Variants in WFDC3 observed in about 807,000 individuals in gnomAD.
WFDC3 encodes the protein WAP four-disulfide core domain 3.
Under a neutral mutation model 25.8 loss-of-function variants are expected in WFDC3, and 15 were observed. The observed-to-expected ratio is 0.58, with a 90% CI of 0.39 to 0.89. The LOEUF is 0.89. Among genes scored for constraint, WFDC3 ranks in the 40% least tolerant of loss-of-function variants. WFDC3 has a pLI of 0.00. For missense variants in WFDC3, 264 were observed against 289.8 expected (o/e 0.91, Z 0.65); for synonymous variants, 103 against 107.1 (o/e 0.96, Z 0.24).
rs959236165 is a variant in WFDC3, at chr20:45,777,274, C to T, written c.359-65G>A. 2.5e-5 allele frequency: 35 copies of T among 1,374,180 alleles called. No homozygotes were observed. In the Admixed American group the frequency reaches 1.1e-3, roughly 43 times the overall value. 85.1% of individuals were successfully genotyped at this position (1,374,180 alleles called of 1,614,324 possible). On this transcript the variant is annotated intron_variant, in intron 4 of 6. Coordinates refer to ENST00000243938, the MANE Select transcript of WFDC3 (RefSeq NM_080614.2). ...TATGAAACACATTTTTCATTGTGTC[C>T]CATGTGTATGTTTATATATAGTTAT...
intron 4 of WFDC3, among the ~76,000 whole-genome samples, chr20:45,785,979 C>T (rs1980649992): frequency 6.6e-6 from 1 of 152,198 alleles, no homozygotes; most frequent in South Asian, 2.1e-4. Flanking sequence ...CATCTTAAGG[C>T]CTCTGTGTGT....
chr20:45,789,856 C>T, intron 2 of WFDC3, 38 bp downstream of exon 2: 1 of 1,584,934 alleles, frequency 6.3e-7, no homozygotes. Flanking sequence ...TAGTCACTTT[C>T]TGTTACTGTT....
At chr20:45,780,319 C>T (rs1371679595) in intron 4 of WFDC3, among the ~76,000 whole-genome samples, 1 of 152,084 alleles carries the variant, frequency 6.6e-6, no homozygotes, top group Non-Finnish European at 1.5e-5. Flanking sequence ...TCAAGCAATC[C>T]TCCCGCCTCA....
At chr20:45,786,687 T>C (rs1980681386) in intron 4 of WFDC3, among the ~76,000 whole-genome samples, 1 of 152,126 alleles carries the variant, frequency 6.6e-6, no homozygotes, top group African/African-American at 2.4e-5. Context: ...ACTGGGACTC[T>C]GCAAAAGGGA....
intron 4 of WFDC3, among the ~76,000 whole-genome samples, chr20:45,783,014 A>G (rs1388592423): frequency 6.6e-6 from 1 of 152,010 alleles, no homozygotes; most frequent in Non-Finnish European, 1.5e-5. Context: ...CTCATGACTC[A>G]TCATCATCTT....
chr20:45,778,695 G>C (rs1980302214), intron 4 of WFDC3: 2 of 152,168 alleles, frequency 1.3e-5, no homozygotes, highest in African/African-American at 4.8e-5. Flanking sequence ...GAATTGCAAA[G>C]AGGTGTTGTA....
chr20:45,786,283 G>A (rs73622603), intron 4 of WFDC3, among the ~76,000 whole-genome samples: 3 of 152,224 alleles, frequency 2.0e-5, no homozygotes, highest in South Asian at 2.1e-4. Flanking sequence ...CCAGCTACTC[G>A]GGAGGCTGAG....
At chr20:45,778,497 C>A (rs969245256) in intron 4 of WFDC3, among the ~76,000 whole-genome samples, 4 of 152,216 alleles carry the variant, frequency 2.6e-5, no homozygotes, top group Non-Finnish European at 4.4e-5. Context: ...CCCATACTCT[C>A]TTGCAACAAG....
At position 45,789,020 on chromosome 20, in the gene WFDC3, T is replaced by C. The variant is rs747323242; in HGVS notation, c.122A>G (p.Lys41Arg). 1 of 1,613,626 alleles carries C rather than the reference T, an allele frequency of 6.2e-7. No homozygotes were observed. The highest frequency in any genetic ancestry group is 1.1e-5 in the South Asian group (1 of 91,024). ...GECPPHKNPCKELCQGDELCP... is the reference protein window; with the variant it reads ...GECPPHKNPCRELCQGDELCP... ...CAATTCATCACCCTGGCACAGCTCTTTGCATGGGTTCTTATGGGGAGGGCA... is the reference window on the plus strand; with the variant it reads ...CAATTCATCACCCTGGCACAGCTCTCTGCATGGGTTCTTATGGGGAGGGCA... The change falls in exon 3 of 7, where the codon AAA becomes AGA. Residue 41 changes from lysine to arginine, a missense_variant. Coordinates refer to ENST00000243938, the MANE Select transcript of WFDC3 (RefSeq NM_080614.2).
Position 45,788,208 on chromosome 20 carries a change from G to A in WFDC3, c.212-226C>T. ...AATCCCAGCTACTTGGGAGGCTGAG[G>A]CAGGAGAATCACTTGAACCCGGGAG... is the stretch of plus-strand genomic sequence containing the variant. On this transcript the variant is annotated intron_variant, in intron 3 of 6. Coordinates refer to ENST00000243938, the MANE Select transcript of WFDC3 (RefSeq NM_080614.2). The A allele has an allele frequency of 9.1e-6, 3 of 330,872 alleles. No individual in the cohort carries two copies. In the South Asian group the frequency reaches 1.2e-4, roughly 13 times the overall value. 20.5% of individuals were successfully genotyped at this position (330,872 alleles called of 1,614,324 possible). A position where few individuals can be genotyped will look rare whatever the true frequency, so the allele number is the denominator to read the frequency against.
At chr20:45,788,715 T>C (rs1318342490) in intron 3 of WFDC3, 2 of 515,892 alleles carry the variant, frequency 3.9e-6, no homozygotes, top group South Asian at 3.3e-5. Flanking sequence ...GTAAAAGACA[T>C]AGATAATCAA....
chr20:45,776,475 G>C (rs988946343), intron 5 of WFDC3, among the ~76,000 whole-genome samples: 1 of 150,332 alleles, frequency 6.7e-6, no homozygotes, highest in Admixed American at 6.6e-5. Context: ...GCATGGTGGC[G>C]TGTGCCTGTA....
intron 5 of WFDC3, among the ~76,000 whole-genome samples, chr20:45,776,321 T>TGTGTATG (rs1980151592): frequency 2.7e-5 from 4 of 149,006 alleles, no homozygotes; most frequent in Admixed American, 1.3e-4. Context: ...TGTGTGTGTG[T>TGTGTATG]TTCCAGCTGG....
In WFDC3 at chr20:45,787,955, A is replaced by G; in HGVS notation, c.239T>C (p.Ile80Thr). Residue 80 changes from isoleucine (I) to threonine (T), a missense_variant, in exon 4 of 7, where the codon ATT becomes ACT. Transcript: ENST00000243938. Reference sequence around the variant, plus strand: ...CCTTTTCAAACAGGATTGTTTCCGAATAACCCTAGGGCAATCTCTTTTCCT... The same window carrying G: ...CCTTTTCAAACAGGATTGTTTCCGAGTAACCCTAGGGCAATCTCTTTTCCT... ...KGRKRDCPRV[I>T]RKQSCLKRCI... 6.2e-7 allele frequency: 1 copy of G among 1,613,970 alleles called. No individual in the cohort carries two copies. The highest frequency in any genetic ancestry group is 8.5e-7 in the Non-Finnish European group (1 of 1,179,942).
chr20:45,791,339 C>T (rs1980979401), intron 1 of WFDC3, among the ~76,000 whole-genome samples: 1 of 146,822 alleles, frequency 6.8e-6, no homozygotes, highest in Admixed American at 6.9e-5. Context: ...CTCTGTCGCC[C>T]AGGCTGGAGT....
Position 45,776,616 on chromosome 20 carries a change from AAAAAAG to A in WFDC3, c.493+453_493+458del, listed in dbSNP as rs1568697352. ...CTGTCTCAAAAAAAAAAAAAAAGAA[AAAAAAG>A]AAAAAAAAAAAAAATATATATATAT... On this transcript the variant is annotated intron_variant, in intron 5 of 6. Coordinates refer to ENST00000243938, the MANE Select transcript of WFDC3 (RefSeq NM_080614.2). 2.9e-3 allele frequency among the ~76,000 whole-genome samples: 154 copies of A among 52,342 alleles called. 6 individuals carry two copies. The highest frequency in any genetic ancestry group is 0.011 in the African/African-American group (140 of 12,702). The allele number at this position is 52,342 out of a possible 152,430, so 34.3% of individuals were successfully genotyped here. A position where few individuals can be genotyped will look rare whatever the true frequency, so the allele number is the denominator to read the frequency against.
At chr20:45,785,895 C>T (rs963414710) in intron 4 of WFDC3, among the ~76,000 whole-genome samples, 6 of 152,190 alleles carry the variant, frequency 3.9e-5, no homozygotes, top group African/African-American at 1.2e-4. Context: ...CATCTGCCTT[C>T]ATTCTCTCCC....
At position 45,789,076 on chromosome 20, in the gene WFDC3, T is replaced by A. The variant is rs1362459769; in HGVS notation, c.83-17A>T. The stretch of plus-strand genomic sequence containing the variant: ...CCTCTTTTGCTGCAAAAGATACTAT[T>A]TGAGTTTGGGGTAACTAGCCAGGCC... On this transcript the variant is annotated splice_polypyrimidine_tract_variant and intron_variant, in intron 2 of 6. Coordinates refer to ENST00000243938, the MANE Select transcript of WFDC3 (RefSeq NM_080614.2). 1 of 1,611,834 alleles carries A rather than the reference T, an allele frequency of 6.2e-7. No individual in the cohort carries two copies.
chr20:45,782,626 T>C (rs564779005), intron 4 of WFDC3, among the ~76,000 whole-genome samples: 5 of 152,280 alleles, frequency 3.3e-5, no homozygotes, highest in South Asian at 4.1e-4. Flanking sequence ...TCTGCCCGCA[T>C]TGGCCTCCCA....
Sources: gnomAD v4.1 joint callset for allele counts (sites outside exome capture counted in the v4.1 genomes callset) on GRCh38, gnomAD v4.1.1 for gene constraint, MANE v1.5 for transcripts, NCBI Gene and HGNC (gene_info 2026-07-23, HGNC 2026-07-21) for gene names.